The following PLCB4 variants were observed in gnomAD, a reference collection of about 807,000 sequenced individuals.
The protein encoded by PLCB4 is 1-phosphatidylinositol 4,5-bisphosphate phosphodiesterase beta-4.
A neutral mutation model predicts 178.8 loss-of-function variants in PLCB4; 77 were observed. That is an observed-to-expected ratio of 0.43 (90% CI 0.36 to 0.52). The LOEUF (loss-of-function observed/expected upper bound fraction) is 0.52. Among genes scored for constraint, PLCB4 ranks in the 20% least tolerant of loss-of-function variants. PLCB4 has a pLI of 0.00. For missense variants in PLCB4, 1,024 were observed against 1,453.4 expected (o/e 0.70, Z 4.80); for synonymous variants, 496 against 490.8 (o/e 1.01, Z -0.14).
chr20:9,473,074 A>G (rs1304521880), intron 37 of PLCB4, among the ~76,000 whole-genome samples: 2 of 152,160 alleles, frequency 1.3e-5, no homozygotes, highest in Admixed American at 1.3e-4. Context: ...GTCATGCGTA[A>G]GTCCTCTATT....
intron 4 of PLCB4, among the ~76,000 whole-genome samples, chr20:9,336,295 T>C (rs1336825368): frequency 6.6e-6 from 1 of 152,190 alleles, no homozygotes; most frequent in African/African-American, 2.4e-5. Context: ...CATGGATTTT[T>C]CCTCTCATTC....
intron 36 of PLCB4, 91 bp downstream of exon 36, chr20:9,468,763 G>A: frequency 1.4e-6 from 1 of 689,840 alleles, no homozygotes. Context: ...ACACACAACT[G>A]AGACAGCAAA....
At chr20:9,453,237 T>G in intron 32 of PLCB4, 110 bp from the exon 33 acceptor site, 1 of 668,274 alleles carries the variant, frequency 1.5e-6, no homozygotes, top group Non-Finnish European at 2.6e-6. Context: ...TGGTTATTCC[T>G]TGACTTTCTA....
intron 2 of PLCB4, among the ~76,000 whole-genome samples, chr20:9,206,093 A>G (rs2093610365): frequency 6.6e-6 from 1 of 152,182 alleles, no homozygotes; most frequent in Non-Finnish European, 1.5e-5. Flanking sequence ...AATGTTTGTT[A>G]GAAGTAATTA....
chr20:9,355,831 C>T (rs2034762774), intron 7 of PLCB4, among the ~76,000 whole-genome samples: 1 of 152,064 alleles, frequency 6.6e-6, no homozygotes, highest in African/African-American at 2.4e-5. Context: ...ATGGCTGGGT[C>T]AAATGGTATT....
intron 2 of PLCB4, among the ~76,000 whole-genome samples, chr20:9,112,608 T>C (rs1422570179): frequency 1.3e-5 from 2 of 152,154 alleles, no homozygotes; most frequent in Non-Finnish European, 2.9e-5. Context: ...GGTCAGTTCC[T>C]CAGGCATACC....
chr20:9,373,215 C>T (rs1427815403), intron 12 of PLCB4, 111 bp downstream of exon 12: 2 of 571,470 alleles, frequency 3.5e-6, no homozygotes, highest in African/African-American at 3.8e-5. Flanking sequence ...TGCTTCTGAC[C>T]TGCTGATCTT....
intron 2 of PLCB4, among the ~76,000 whole-genome samples, chr20:9,194,392 A>G (rs1197648185): frequency 6.6e-6 from 1 of 152,180 alleles, no homozygotes; most frequent in Non-Finnish European, 1.5e-5. Flanking sequence ...TAGCTTTAAA[A>G]TCAACCTTTT....
chr20:9,445,612 C>T (rs751178326), intron 32 of PLCB4, among the ~76,000 whole-genome samples: 1 of 152,174 alleles, frequency 6.6e-6, no homozygotes, highest in Non-Finnish European at 1.5e-5. Context: ...TATTACAGAA[C>T]TGTTGGGCTC....
intron 3 of PLCB4, among the ~76,000 whole-genome samples, chr20:9,264,368 TG>T (rs1569039117): frequency 6.6e-6 from 1 of 152,232 alleles, no homozygotes. Flanking sequence ...TTTAGTAACC[TG>T]ATTGGAAAAT....
chr20:9,357,731 C>T (rs2148203535), intron 7 of PLCB4, among the ~76,000 whole-genome samples: 1 of 152,302 alleles, frequency 6.6e-6, no homozygotes, highest in Non-Finnish European at 1.5e-5. Context: ...AACTAGAAAG[C>T]TGCCACTGAA....
At chr20:9,478,394 A>T (rs1441118803) in intron 39 of PLCB4, among the ~76,000 whole-genome samples, 5 of 152,190 alleles carry the variant, frequency 3.3e-5, no homozygotes, top group African/African-American at 1.2e-4. Context: ...ACTCCAGCCA[A>T]TCCAATGTAA....
chr20:9,440,954 G>T (rs1163286995), intron 30 of PLCB4, among the ~76,000 whole-genome samples: 1 of 152,178 alleles, frequency 6.6e-6, no homozygotes, highest in Non-Finnish European at 1.5e-5. Context: ...TTGTCTTGGA[G>T]GAAGGGCAGT....
chr20:9,355,068 C>T (rs1488278245), intron 7 of PLCB4, among the ~76,000 whole-genome samples: 1 of 152,096 alleles, frequency 6.6e-6, no homozygotes, highest in Non-Finnish European at 1.5e-5. Context: ...TTATAATTCC[C>T]CCAGGTGATT....
chr20:9,101,986 C>T (rs996401922), intron 2 of PLCB4, among the ~76,000 whole-genome samples: 10 of 151,680 alleles, frequency 6.6e-5, no homozygotes, highest in Non-Finnish European at 1.3e-4. Flanking sequence ...CTGGGATTAT[C>T]GGTGCCTGCC....
intron 2 of PLCB4, among the ~76,000 whole-genome samples, chr20:9,146,024 G>A (rs1281035490): frequency 3.3e-5 from 5 of 152,050 alleles, no homozygotes; most frequent in African/African-American, 4.8e-5. Context: ...TTATGTGAGG[G>A]TTGTATTTCT....
At chr20:9,136,827 T>G (rs1032800089) in intron 2 of PLCB4, among the ~76,000 whole-genome samples, 4 of 152,106 alleles carry the variant, frequency 2.6e-5, no homozygotes, top group African/African-American at 9.7e-5. Context: ...TGTTGGATAT[T>G]CTGTTTGCCC....
At chr20:9,341,989 TCATTGTCCAAACTGGACAGTG>T (rs2033260328) in intron 7 of PLCB4, among the ~76,000 whole-genome samples, 1 of 152,296 alleles carries the variant, frequency 6.6e-6, no homozygotes, top group South Asian at 2.1e-4. Context: ...AATATAAATC[TCATTGTCCAAACTGGACAGTG>T]CATTGTCCTT....
chr20:9,076,171 A>C (rs1600233848), intron 1 of PLCB4, among the ~76,000 whole-genome samples: 1 of 152,166 alleles, frequency 6.6e-6, no homozygotes, highest in East Asian at 1.9e-4. Flanking sequence ...TGCTCCTTTA[A>C]AATAAGAACA....
Sources: gnomAD v4.1 joint callset for allele counts (sites outside exome capture counted in the v4.1 genomes callset) on GRCh38, gnomAD v4.1.1 for gene constraint, MANE v1.5 for transcripts, NCBI Gene and HGNC (gene_info 2026-07-23, HGNC 2026-07-21) for gene names.